The following TMEM117 variants were observed in gnomAD, a reference collection of about 807,000 sequenced individuals.
TMEM117 encodes the protein transmembrane protein 117.
Under a neutral mutation model 52.4 loss-of-function variants are expected in TMEM117, and 27 were observed. The ratio of observed to expected loss-of-function variants is 0.51; its 90% CI spans 0.38 to 0.71. The LOEUF is 0.71. Ranked by LOEUF, TMEM117 falls within the 30% of genes least tolerant of loss-of-function variation. TMEM117 has a pLI of 0.00. For synonymous variants in TMEM117, 215 were observed against 206.3 expected (o/e 1.04, Z -0.36); for missense variants, 556 against 630.5 (o/e 0.88, Z 1.26).
At chr12:43,866,274 T>G (rs978649348) in intron 2 of TMEM117, among the ~76,000 whole-genome samples, 2 of 151,716 alleles carry the variant, frequency 1.3e-5, no homozygotes, top group African/African-American at 2.4e-5. Flanking sequence ...AATAAAAATT[T>G]CAACCTAAAA....
At position 43,955,667 on chromosome 12, in the gene TMEM117, C is replaced by T. The variant is rs576748012; in HGVS notation, c.410+11325C>T. Among the ~76,000 whole-genome samples the T allele has an allele frequency of 1.6e-4, 24 of 152,252 alleles. No individual in the cohort carries two copies. The Middle Eastern group carries it at 0.01, about 65-fold the overall frequency. The stretch of plus-strand genomic sequence containing the variant: ...CACAGGCAGATGGAAAAACATTCCA[C>T]GGTCATGGATAGGAAGAATCAATGT... On this transcript the variant is annotated intron_variant, in intron 3 of 7. Coordinates refer to ENST00000266534, the MANE Select transcript of TMEM117 (RefSeq NM_032256.3).
intron 1 of TMEM117, among the ~76,000 whole-genome samples, chr12:43,840,703 A>G (rs1045903063): frequency 6.6e-6 from 1 of 152,232 alleles, no homozygotes; most frequent in Non-Finnish European, 1.5e-5. Context: ...GCTTATGATC[A>G]AGTGAGGGAG....
At chr12:44,321,578 G>T (rs1452452904) in intron 6 of TMEM117, among the ~76,000 whole-genome samples, 1 of 152,130 alleles carries the variant, frequency 6.6e-6, no homozygotes, top group African/African-American at 2.4e-5. Context: ...TGCCGACAGG[G>T]ATGAATCTGG....
At chr12:44,244,392 T>G (rs1030272880) in intron 5 of TMEM117, 3 of 151,954 alleles carry the variant, frequency 2.0e-5, no homozygotes, top group Admixed American at 1.3e-4. Context: ...GCATTTTTTT[T>G]GTCTATCTGT....
intron 3 of TMEM117, among the ~76,000 whole-genome samples, chr12:44,005,540 C>T (rs1028408383): frequency 6.6e-6 from 1 of 152,228 alleles, no homozygotes. Context: ...TTATTTTGCT[C>T]TGACACTTCA....
chr12:44,087,962 T>A (rs1287705728), intron 3 of TMEM117, among the ~76,000 whole-genome samples: 1 of 152,214 alleles, frequency 6.6e-6, no homozygotes, highest in Non-Finnish European at 1.5e-5. Flanking sequence ...TTTACATTCT[T>A]AAAATTTATT....
intron 6 of TMEM117, among the ~76,000 whole-genome samples, chr12:44,372,000 T>C (rs1053907364): frequency 3.9e-5 from 6 of 152,212 alleles, no homozygotes; most frequent in Admixed American, 2.6e-4. Flanking sequence ...TGAAGCAAGA[T>C]GCAAAGTTGG....
intron 3 of TMEM117, among the ~76,000 whole-genome samples, chr12:43,995,030 A>C (rs949181824): frequency 1.3e-5 from 2 of 152,080 alleles, no homozygotes; most frequent in Non-Finnish European, 2.9e-5. Context: ...TAATCCCAGC[A>C]CTTTGGGAGG....
chr12:44,120,040 A>G (rs1223894038), intron 3 of TMEM117, among the ~76,000 whole-genome samples: 1 of 152,098 alleles, frequency 6.6e-6, no homozygotes, highest in East Asian at 1.9e-4. Flanking sequence ...TAGGCCTTGA[A>G]GAGAGAGAGA....
At chr12:44,141,270 C>T (rs989563874) in intron 3 of TMEM117, among the ~76,000 whole-genome samples, 2 of 151,994 alleles carry the variant, frequency 1.3e-5, no homozygotes, top group Non-Finnish European at 2.9e-5. Flanking sequence ...AGTACATGTG[C>T]AGTTTTGCTA....
At chr12:44,054,036 G>A (rs905177758) in intron 3 of TMEM117, among the ~76,000 whole-genome samples, 7 of 152,140 alleles carry the variant, frequency 4.6e-5, no homozygotes, top group African/African-American at 1.7e-4. Flanking sequence ...AAGTGACGCA[G>A]ATCAAAGAAA....
the TMEM117 span, among the ~76,000 whole-genome samples, chr12:43,827,301 C>T: frequency 2.0e-5 from 3 of 152,098 alleles, no homozygotes; most frequent in Non-Finnish European, 2.9e-5. Context: ...TCTGTTCACT[C>T]ATTAGAATAA....
intron 5 of TMEM117, among the ~76,000 whole-genome samples, chr12:44,248,063 A>G (rs1053149564): frequency 1.3e-5 from 2 of 152,170 alleles, no homozygotes; most frequent in Admixed American, 1.3e-4. Flanking sequence ...CTCAGAAGCC[A>G]AGTATGAGGA....
At chr12:43,872,852 A>G (rs1943729866) in intron 2 of TMEM117, among the ~76,000 whole-genome samples, 1 of 152,230 alleles carries the variant, frequency 6.6e-6, no homozygotes, top group Non-Finnish European at 1.5e-5. Context: ...TCCACAGATT[A>G]TAGCTTTCTT....
intron 7 of TMEM117, among the ~76,000 whole-genome samples, chr12:44,386,600 G>T (rs1432023167): frequency 2.0e-5 from 3 of 152,022 alleles, no homozygotes; most frequent in African/African-American, 7.2e-5. Flanking sequence ...AGGCTTTCGT[G>T]ATGATAATTA....
At chr12:44,010,551 C>A (rs886492031) in intron 3 of TMEM117, among the ~76,000 whole-genome samples, 1 of 152,112 alleles carries the variant, frequency 6.6e-6, no homozygotes, top group Non-Finnish European at 1.5e-5. Context: ...CTCTTTATTG[C>A]GCTTGTTCTT....
the TMEM117 span, among the ~76,000 whole-genome samples, chr12:44,397,148 T>C: frequency 1.3e-5 from 2 of 152,220 alleles, no homozygotes; most frequent in South Asian, 2.1e-4. Flanking sequence ...GGACAAAGCA[T>C]GAGAGAGTTA....
At chr12:44,366,423 A>G (rs1020347556) in intron 6 of TMEM117, among the ~76,000 whole-genome samples, 13 of 152,102 alleles carry the variant, frequency 8.5e-5, no homozygotes, top group Admixed American at 5.9e-4. Flanking sequence ...TGGACTAACA[A>G]TAGTTTCAGA....
chr12:43,953,181 A>G (rs1945252374), intron 3 of TMEM117, among the ~76,000 whole-genome samples: 1 of 152,170 alleles, frequency 6.6e-6, no homozygotes, highest in African/African-American at 2.4e-5. Flanking sequence ...AACCATTACC[A>G]GCTACTACAA....
Sources: allele counts gnomAD v4.1 joint callset (sites outside exome capture counted in the v4.1 genomes callset), GRCh38; gene constraint gnomAD v4.1.1; transcripts MANE v1.5; gene names NCBI Gene and HGNC (gene_info 2026-07-23, HGNC 2026-07-21).